The following HEMK2 variants were observed in gnomAD, a reference collection of about 807,000 sequenced individuals.
The protein encoded by HEMK2 is HemK methyltransferase 2, ETF1 glutamine and histone H4 lysine, also known as methyltransferase HEMK2.
At chr21:28,779,456 G>A in the HEMK2 span, among the ~76,000 whole-genome samples, 1 of 152,174 alleles carries the variant, frequency 6.6e-6, no homozygotes, top group African/African-American at 2.4e-5. Context: ...GGTTGCCAGA[G>A]GTTGGGAGGA....
At chr21:28,755,277 A>G in the HEMK2 span, among the ~76,000 whole-genome samples, 1 of 152,206 alleles carries the variant, frequency 6.6e-6, no homozygotes, top group East Asian at 1.9e-4. Flanking sequence ...AGAGTGATAA[A>G]TTAGGCCGGA....
At chr21:28,721,543 A>G in the HEMK2 span, among the ~76,000 whole-genome samples, 4 of 152,098 alleles carry the variant, frequency 2.6e-5, no homozygotes, top group Non-Finnish European at 4.4e-5. Flanking sequence ...CATGGCTTAT[A>G]TGGACTGCAT....
At chr21:28,750,644 T>C in the HEMK2 span, among the ~76,000 whole-genome samples, 744 of 138,260 alleles carry the variant, frequency 5.4e-3, 6 homozygotes, top group African/African-American at 0.02. Context: ...GAGGTTGCAG[T>C]GAGCAGAGAT....
At chr21:28,689,758 A>G in the HEMK2 span, among the ~76,000 whole-genome samples, 1 of 152,112 alleles carries the variant, frequency 6.6e-6, no homozygotes, top group Non-Finnish European at 1.5e-5. Flanking sequence ...TATGGGACCA[A>G]TGTGATCACA....
chr21:28,773,852 G>A, the HEMK2 span, among the ~76,000 whole-genome samples: 3 of 152,092 alleles, frequency 2.0e-5, no homozygotes, highest in Non-Finnish European at 4.4e-5. Context: ...TCCTGTAGCA[G>A]GAAAACTGCT....
At chr21:28,777,543 T>C in the HEMK2 span, among the ~76,000 whole-genome samples, 1 of 152,140 alleles carries the variant, frequency 6.6e-6, no homozygotes, top group Non-Finnish European at 1.5e-5. Flanking sequence ...AGAGAGGTTG[T>C]CACTTACCCT....
At chr21:28,649,889 C>G in the HEMK2 span, among the ~76,000 whole-genome samples, 1 of 151,758 alleles carries the variant, frequency 6.6e-6, no homozygotes, top group Non-Finnish European at 1.5e-5. Flanking sequence ...TTTAAAATAA[C>G]AAAAGTTTAA....
chr21:28,617,790 CTTT>C, the HEMK2 span, among the ~76,000 whole-genome samples: 287 of 147,714 alleles, frequency 1.9e-3, no homozygotes, highest in Middle Eastern at 3.5e-3. Context: ...TCTTGACTGC[CTTT>C]TTTTTTTTTT....
the HEMK2 span, among the ~76,000 whole-genome samples, chr21:28,841,368 A>AT: frequency 1.5e-4 from 4 of 27,126 alleles, no homozygotes; most frequent in Non-Finnish European, 2.0e-4. Context: ...TATATTATAT[A>AT]AAATATTATA....
At chr21:28,646,912 T>C in the HEMK2 span, among the ~76,000 whole-genome samples, 1 of 151,222 alleles carries the variant, frequency 6.6e-6, no homozygotes, top group Non-Finnish European at 1.5e-5. Context: ...TTCATTCTAC[T>C]AGTTAAGCAT....
chr21:28,880,635 G>A, the HEMK2 span, among the ~76,000 whole-genome samples: 1 of 151,832 alleles, frequency 6.6e-6, no homozygotes, highest in Non-Finnish European at 1.5e-5. Flanking sequence ...CCCAGCTACT[G>A]GGGAGGCTGA....
At chr21:28,792,378 A>C in the HEMK2 span, among the ~76,000 whole-genome samples, 4 of 152,250 alleles carry the variant, frequency 2.6e-5, no homozygotes, top group Admixed American at 2.6e-4. Context: ...TTTCTTGCTC[A>C]AGATCCGATA....
At chr21:28,696,297 C>A in the HEMK2 span, among the ~76,000 whole-genome samples, 1 of 152,166 alleles carries the variant, frequency 6.6e-6, no homozygotes, top group Non-Finnish European at 1.5e-5. Flanking sequence ...GGGGTACAGG[C>A]ATTGGGTAAA....
the HEMK2 span, among the ~76,000 whole-genome samples, chr21:28,680,145 G>C: frequency 1.3e-5 from 2 of 152,148 alleles, no homozygotes; most frequent in African/African-American, 4.8e-5. Flanking sequence ...AAAATTGATA[G>C]ACTGCTAGCA....
chr21:28,752,066 G>C, the HEMK2 span, among the ~76,000 whole-genome samples: 5 of 152,194 alleles, frequency 3.3e-5, no homozygotes, highest in African/African-American at 1.2e-4. Context: ...AAAACAATTG[G>C]ATTAGTCTCT....
chr21:28,882,215 G>A, the HEMK2 span: 5 of 1,609,314 alleles, frequency 3.1e-6, no homozygotes, highest in South Asian at 5.6e-5. Context: ...TGTCTCTAGG[G>A]TACAAGCTGC....
the HEMK2 span, among the ~76,000 whole-genome samples, chr21:28,629,973 T>G: frequency 6.6e-6 from 1 of 152,108 alleles, no homozygotes; most frequent in African/African-American, 2.4e-5. Flanking sequence ...CAAAAAGATT[T>G]TATTAAAGTA....
At chr21:28,765,157 T>A in the HEMK2 span, among the ~76,000 whole-genome samples, 1 of 152,098 alleles carries the variant, frequency 6.6e-6, no homozygotes, top group African/African-American at 2.4e-5. Context: ...GACCTCCAGC[T>A]AACAACCAGC....
At chr21:28,624,014 A>G in the HEMK2 span, among the ~76,000 whole-genome samples, 1 of 152,204 alleles carries the variant, frequency 6.6e-6, no homozygotes, top group African/African-American at 2.4e-5. Flanking sequence ...TGCGGTGTCA[A>G]GCAAATGCCA....
Sources: gnomAD v4.1 joint callset for allele counts (sites outside exome capture counted in the v4.1 genomes callset) on GRCh38, gnomAD v4.1.1 for gene constraint, MANE v1.5 for transcripts, NCBI Gene and HGNC (gene_info 2026-07-23, HGNC 2026-07-21) for gene names.